The following EPSTI1 variants were observed in gnomAD, a reference collection of about 807,000 sequenced individuals.
The protein encoded by EPSTI1 is epithelial stromal interaction 1.
A neutral mutation model predicts 49.9 loss-of-function variants in EPSTI1; 66 were observed. That is an observed-to-expected ratio of 1.32 (90% CI 1.08 to 1.62). EPSTI1 has a LOEUF of 1.62. Ranked by LOEUF, EPSTI1 falls within the 40% of genes most tolerant of loss-of-function variation. EPSTI1 has a pLI of 0.00. For synonymous variants in EPSTI1, 137 were observed against 130.7 expected, an observed-to-expected ratio of 1.05 and a Z score of -0.33; for missense variants, 394 against 365.5, an observed-to-expected ratio of 1.08 and a Z score of -0.64.
chr13:42,964,185 G>A (rs2153431468), intron 3 of EPSTI1, 46 bp from the exon 4 acceptor site: 1 of 1,506,170 alleles, frequency 6.6e-7, no homozygotes, highest in South Asian at 1.2e-5. Flanking sequence ...ATATTAAGCT[G>A]AAATGTCAGC....
intron 6 of EPSTI1, among the ~76,000 whole-genome samples, chr13:42,949,775 C>T (rs1358897785): frequency 6.6e-6 from 1 of 152,048 alleles, no homozygotes; most frequent in African/African-American, 2.4e-5. Context: ...CTGCTTCACT[C>T]ACATTCCTAC....
At position 42,944,338 on chromosome 13, in the gene EPSTI1, C is replaced by T. The variant is rs979093390; in HGVS notation, c.563+9610G>A. Among the ~76,000 whole-genome samples, 5 of 152,132 alleles carry T rather than the reference C, an allele frequency of 3.3e-5. No individual in the cohort carries two copies. The South Asian group carries it at 1.0e-3, about 32-fold the overall frequency. On this transcript the variant is annotated intron_variant, in intron 6 of 10. Transcript: ENST00000313624. ...TATACACCATGGAATACTATGCAGA[C>T]ATAAAAAAGGATGAGTTCATGTCCT...
rs185760075 is a variant in EPSTI1, at chr13:42,890,649, T to C, written c.916-2147A>G. Among the ~76,000 whole-genome samples, 325 of 152,340 alleles carry C rather than the reference T, an allele frequency of 2.1e-3. 1 individual carries two copies. The highest frequency in any genetic ancestry group is 6.8e-3 in the Middle Eastern group (2 of 294). On this transcript the variant is annotated intron_variant, in intron 10 of 10. Transcript: ENST00000313624. The stretch of plus-strand genomic sequence containing the variant: ...ATTCATATTTTTGGTTGGATCTTTT[T>C]ATTAGATTTTTTATTTATTCCTAAT...
Position 42,969,119 on chromosome 13 carries a change from C to T in EPSTI1, c.306G>A (p.Pro102=), listed in dbSNP as rs371796174. 1.1e-5 allele frequency: 18 copies of T among 1,614,022 alleles called. No homozygotes were observed. Among genetic ancestry groups the T allele is most frequent in the African/African-American group, 6.7e-5 (5 of 74,932 alleles). Residue 102 remains proline, a synonymous_variant, in exon 3 of 11, where the codon CCG becomes CCA. Transcript: ENST00000313624. ...EKWKEQNRAK[P]VHLVPRRLGG... is the part of the protein sequence containing the mutation. Reference sequence around the variant, plus strand: ...CTAGCCGTCTGGGCACCAGGTGAACCGGTTTAGCTCTGTTCTGCTCCTTCC... The same window carrying T: ...CTAGCCGTCTGGGCACCAGGTGAACTGGTTTAGCTCTGTTCTGCTCCTTCC...
intron 6 of EPSTI1, among the ~76,000 whole-genome samples, chr13:42,953,178 C>T (rs2039152870): frequency 6.6e-6 from 1 of 150,776 alleles, no homozygotes; most frequent in African/African-American, 2.4e-5. Context: ...AATAGTCAGG[C>T]ACTTTTATGT....
intron 8 of EPSTI1, among the ~76,000 whole-genome samples, chr13:42,901,890 A>G (rs1240638080): frequency 1.3e-5 from 2 of 151,902 alleles, no homozygotes; most frequent in Admixed American, 6.6e-5. Flanking sequence ...AGCATTAGGT[A>G]TATCTCCCAA....
intron 3 of EPSTI1, among the ~76,000 whole-genome samples, chr13:42,967,872 A>G (rs2039663344): frequency 6.6e-6 from 1 of 152,180 alleles, no homozygotes; most frequent in Non-Finnish European, 1.5e-5. Flanking sequence ...GAACAGAGCC[A>G]TGAATAGAGA....
chr13:42,964,728 T>C (rs911923965), intron 3 of EPSTI1, among the ~76,000 whole-genome samples: 3 of 152,222 alleles, frequency 2.0e-5, no homozygotes, highest in Non-Finnish European at 4.4e-5. Context: ...TTTCCTTATA[T>C]AGTCAAAATA....
At chr13:42,932,047 C>T (rs1422101381) in intron 6 of EPSTI1, among the ~76,000 whole-genome samples, 3 of 152,234 alleles carry the variant, frequency 2.0e-5, no homozygotes, top group South Asian at 2.1e-4. Context: ...TCAAGTGATC[C>T]TCCTACATCA....
In EPSTI1 at chr13:42,922,168, AG is replaced by A. The variant is rs1366960512; in HGVS notation, c.657+4167del. ...GAGTTAATAAGGTCTAAAATTGATTAGTCAAGAGATACCAACACATATTAAC... is the reference window on the plus strand; with the variant it reads ...GAGTTAATAAGGTCTAAAATTGATTATCAAGAGATACCAACACATATTAAC... On this transcript the variant is annotated intron_variant, in intron 7 of 10. Transcript: ENST00000313624. The surrounding 1 kb of genome is among the most constrained non-coding windows in gnomAD (Gnocchi z 4.8). Among the ~76,000 whole-genome samples the A allele has an allele frequency of 1.3e-5, 2 of 152,266 alleles. No homozygotes were observed. Among genetic ancestry groups the A allele is most frequent in the African/African-American group, 4.8e-5 (2 of 41,480 alleles).
chr13:42,959,062 G>C (rs1448278130), intron 5 of EPSTI1, among the ~76,000 whole-genome samples: 1 of 152,088 alleles, frequency 6.6e-6, no homozygotes, highest in African/African-American at 2.4e-5. Context: ...AATTAGGTTA[G>C]GGTACTTTAC....
At chr13:42,965,487 G>C (rs1566165203) in intron 3 of EPSTI1, among the ~76,000 whole-genome samples, 1 of 152,170 alleles carries the variant, frequency 6.6e-6, no homozygotes, top group African/African-American at 2.4e-5. Flanking sequence ...GGATCTGCAA[G>C]GAGGTAACTG....
Position 42,922,024 on chromosome 13 carries a change from A to G in EPSTI1, c.657+4312T>C, listed in dbSNP as rs1195656074. On this transcript the variant is annotated intron_variant, in intron 7 of 10. Transcript: ENST00000313624. This position sits in a 1 kb window ranked among gnomAD's most constrained non-coding sequence, Gnocchi z 4.8. Reference sequence around the variant, plus strand: ...AAACGCTAAAATAAAATGTTTAAAGAGTTGTACAGAAGATATAACCAGAGT... The same window carrying G: ...AAACGCTAAAATAAAATGTTTAAAGGGTTGTACAGAAGATATAACCAGAGT... Among the ~76,000 whole-genome samples, 1 of 152,216 alleles carries G rather than the reference A, an allele frequency of 6.6e-6. No homozygotes were observed. Among genetic ancestry groups the G allele is most frequent in the Non-Finnish European group, 1.5e-5 (1 of 68,032 alleles).
intron 1 of EPSTI1, among the ~76,000 whole-genome samples, chr13:42,972,819 C>G (rs950701665): frequency 4.0e-5 from 6 of 151,696 alleles, no homozygotes; most frequent in African/African-American, 1.5e-4. Flanking sequence ...ACGAGAATAT[C>G]CAACCACTCA....
chr13:42,936,745 C>T (rs547990797), intron 6 of EPSTI1, among the ~76,000 whole-genome samples: 8 of 152,274 alleles, frequency 5.3e-5, no homozygotes, highest in African/African-American at 1.4e-4. Flanking sequence ...AGACCAAATT[C>T]GTGTGTACAA....
intron 6 of EPSTI1, among the ~76,000 whole-genome samples, chr13:42,933,280 C>T (rs919495832): frequency 7.0e-6 from 1 of 143,816 alleles, no homozygotes; most frequent in Non-Finnish European, 1.5e-5. Context: ...TGTATCTTCT[C>T]TCTAAGTTGG....
intron 1 of EPSTI1, among the ~76,000 whole-genome samples, chr13:42,972,102 C>A (rs2039781881): frequency 6.6e-6 from 1 of 152,154 alleles, no homozygotes; most frequent in Non-Finnish European, 1.5e-5. Flanking sequence ...GTGAGCCATG[C>A]TACAGAGACT....
At chr13:42,953,018 G>A (rs2039148005) in intron 6 of EPSTI1, among the ~76,000 whole-genome samples, 1 of 152,102 alleles carries the variant, frequency 6.6e-6, no homozygotes. Flanking sequence ...GAGAGAACAG[G>A]CGGCAGGCAG....
intron 6 of EPSTI1, among the ~76,000 whole-genome samples, chr13:42,926,990 G>GACAC (rs10529424): frequency 0.046 from 6,709 of 144,620 alleles, 171 homozygotes; most frequent in Non-Finnish European, 0.058. Flanking sequence ...TCTGTTAACA[G>GACAC]ACACACACAC....
Sources: allele counts gnomAD v4.1 joint callset (sites outside exome capture counted in the v4.1 genomes callset), GRCh38; gene constraint gnomAD v4.1.1; non-coding constraint Gnocchi (gnomAD v3.1); transcripts MANE v1.5; gene names NCBI Gene and HGNC (gene_info 2026-07-23, HGNC 2026-07-21).